The following WAPL variants were observed in gnomAD, a reference collection of about 807,000 sequenced individuals.
The protein encoded by WAPL is wings apart-like protein homolog.
In WAPL, 5 loss-of-function variants were observed where a neutral mutation model predicts 121.0. The ratio of observed to expected loss-of-function variants is 0.04; its 90% CI spans 0.02 to 0.09. The LOEUF (loss-of-function observed/expected upper bound fraction) is 0.09. Ranked by LOEUF, WAPL falls within the 10% of genes least tolerant of loss-of-function variation. The probability of loss-of-function intolerance (pLI) is 1.00; values close to 1 mark genes in which losing one functional copy is unlikely to be tolerated. For synonymous variants in WAPL, 480 were observed against 481.5 expected, an observed-to-expected ratio of 1.00 and a Z score of 0.04; for missense variants, 999 against 1,410.8, an observed-to-expected ratio of 0.71 and a Z score of 4.68.
At chr10:86,449,477 T>C (rs779621419) in intron 15 of WAPL, among the ~76,000 whole-genome samples, 1 of 152,150 alleles carries the variant, frequency 6.6e-6, no homozygotes, top group Non-Finnish European at 1.5e-5. Flanking sequence ...AGAGAAGATA[T>C]AGGATGATAC....
chr10:86,517,850 C>T lies in WAPL; in HGVS notation c.220G>A (p.Gly74Arg). 1 of 1,614,132 alleles carries T rather than the reference C, an allele frequency of 6.2e-7. No homozygotes were observed. ...AGAGACTCATCATCACTATCAAATCCAAAAGGATCTCCAGTACTTTCTTCT... is the reference window on the plus strand; with the variant it reads ...AGAGACTCATCATCACTATCAAATCTAAAAGGATCTCCAGTACTTTCTTCT... The part of the protein sequence containing the change: ...VEEESTGDPF[G>R]FDSDDESLPV... Residue 74 changes from glycine to arginine, a missense_variant, in exon 2 of 19, where the codon GGA (glycine) becomes AGA (arginine). By Grantham distance (125) the Gly-to-Arg change is moderately radical. Transcript: ENST00000298767.
intron 4 of WAPL, among the ~76,000 whole-genome samples, chr10:86,484,879 C>G (rs997887605): frequency 9.2e-5 from 14 of 152,318 alleles, no homozygotes; most frequent in African/African-American, 3.4e-4. Flanking sequence ...GTTCTGTGTG[C>G]ACAATGAAAT....
rs2132221636 is a variant in WAPL, at chr10:86,500,672, T to C, written c.571A>G (p.Thr191Ala). The C allele has an allele frequency of 1.2e-6, 2 of 1,609,134 alleles. No individual in the cohort carries two copies. The highest frequency in any genetic ancestry group is 1.7e-6 in the Non-Finnish European group (2 of 1,178,944). ...HHIHKNADDSTKKPNAETTVA... is the reference protein window; with the variant it reads ...HHIHKNADDSAKKPNAETTVA... ...GTAGTTTCTGCATTGGGTTTCTTAG[T>C]ACTGTCATCAGCATTTTTGTGAATA... The change falls in exon 3 of 19, where the codon ACT becomes GCT. Residue 191 changes from threonine (T) to alanine (A), a missense_variant. Physicochemically the swap from Thr to Ala is moderately conservative, Grantham distance 58 (BLOSUM62 0). This residue lies in a region of WAPL where 531 missense variants were observed against 563.1 expected (regional missense o/e 0.94). Coordinates refer to ENST00000298767, the MANE Select transcript of WAPL (RefSeq NM_015045.5).
chr10:86,442,139 C>T (rs1220216254), intron 17 of WAPL, among the ~76,000 whole-genome samples: 1 of 152,194 alleles, frequency 6.6e-6, no homozygotes, highest in Non-Finnish European at 1.5e-5. Flanking sequence ...CGATTCGATT[C>T]TTGCGTCTCA....
intron 8 of WAPL, 63 bp from the exon 9 acceptor site, chr10:86,467,569 G>T: frequency 8.4e-7 from 1 of 1,188,734 alleles, no homozygotes; most frequent in Non-Finnish European, 1.2e-6. Context: ...GACATCTCAG[G>T]AAATAAGACT....
intron 4 of WAPL, among the ~76,000 whole-genome samples, chr10:86,486,664 T>C (rs1328695151): frequency 6.6e-6 from 1 of 152,116 alleles, no homozygotes; most frequent in Non-Finnish European, 1.5e-5. Flanking sequence ...ATGATGAAAG[T>C]AAAGGTATAG....
Position 86,494,709 on chromosome 10 carries a change from C to T in WAPL, c.1644+2492G>A, listed in dbSNP as rs113567033. Among the ~76,000 whole-genome samples the T allele has an allele frequency of 1.6e-3, 242 of 152,254 alleles. 1 individual carries two copies. The highest frequency in any genetic ancestry group is 5.5e-3 in the African/African-American group (230 of 41,546). ...GTGACCAGTGTATGATGTTACAAAG[C>T]ATGTATGGGTAAATGCCCATTCAAA... On this transcript the variant is annotated intron_variant, in intron 4 of 18. Coordinates refer to ENST00000298767, the MANE Select transcript of WAPL (RefSeq NM_015045.5).
chr10:86,502,437 C>T (rs532006586), intron 2 of WAPL, among the ~76,000 whole-genome samples: 1 of 152,004 alleles, frequency 6.6e-6, no homozygotes, highest in Non-Finnish European at 1.5e-5. Flanking sequence ...TTTTTGGAGT[C>T]CTTATCTGTT....
intron 2 of WAPL, among the ~76,000 whole-genome samples, chr10:86,502,931 G>C (rs529570593): frequency 6.6e-6 from 1 of 151,768 alleles, no homozygotes; most frequent in Non-Finnish European, 1.5e-5. Context: ...AGGCCAAGGC[G>C]GGCGGATCAT....
rs765740042 is a variant in WAPL, at chr10:86,453,215, C to T, written c.2949+5G>A. The T allele has an allele frequency of 6.2e-7, 1 of 1,613,846 alleles. No homozygotes were observed. Among genetic ancestry groups the T allele is most frequent in the South Asian group, 1.1e-5 (1 of 91,054 alleles). On this transcript the variant is annotated splice_donor_5th_base_variant and intron_variant, in intron 14 of 18. Coordinates refer to ENST00000298767, the MANE Select transcript of WAPL (RefSeq NM_015045.5). ...CTCATTTCTGAAAAAGTCATTTCAA[C>T]TTACCAGCACTCGAATATCAAATCT...
chr10:86,509,957 G>C (rs767814126), intron 2 of WAPL, among the ~76,000 whole-genome samples: 1 of 151,270 alleles, frequency 6.6e-6, no homozygotes, highest in South Asian at 2.1e-4. Context: ...GTAAAGACCG[G>C]GTTTTACCAT....
chr10:86,483,624 A>C (rs1166473479), intron 4 of WAPL, among the ~76,000 whole-genome samples: 1 of 152,058 alleles, frequency 6.6e-6, no homozygotes, highest in Non-Finnish European at 1.5e-5. Context: ...TTCCAGAAGA[A>C]GGCTGGCATC....
intron 18 of WAPL, 99 bp downstream of exon 18, chr10:86,437,821 C>G: frequency 9.6e-7 from 1 of 1,036,510 alleles, no homozygotes; most frequent in South Asian, 1.6e-5. Context: ...AAAAGAAAAT[C>G]CCTTTTTGCT....
At chr10:86,491,938 C>T (rs562677715) in intron 4 of WAPL, among the ~76,000 whole-genome samples, 27 of 152,296 alleles carry the variant, frequency 1.8e-4, no homozygotes, top group African/African-American at 6.3e-4. Flanking sequence ...AACTACAGGT[C>T]TCCTACTGTA....
intron 9 of WAPL, among the ~76,000 whole-genome samples, chr10:86,465,300 G>A (rs1413389048): frequency 6.6e-6 from 1 of 152,088 alleles, no homozygotes; most frequent in African/African-American, 2.4e-5. Context: ...CTAGGTTCCA[G>A]GTTCAGGCGA....
intron 4 of WAPL, among the ~76,000 whole-genome samples, chr10:86,483,429 A>T (rs1188296020): frequency 1.3e-5 from 2 of 152,142 alleles, no homozygotes; most frequent in Admixed American, 1.3e-4. Flanking sequence ...CTCAAAAAAA[A>T]AAAAGAGTAT....
At chr10:86,515,457 G>A (rs556378785) in intron 2 of WAPL, among the ~76,000 whole-genome samples, 188 of 152,092 alleles carry the variant, frequency 1.2e-3, no homozygotes, top group Admixed American at 2.6e-3. Context: ...TATATAAAAT[G>A]AGAGCTGAGT....
At chr10:86,459,449 T>C (rs1448054056) in intron 11 of WAPL, among the ~76,000 whole-genome samples, 1 of 152,228 alleles carries the variant, frequency 6.6e-6, no homozygotes, top group East Asian at 1.9e-4. Context: ...CAAAGCACTC[T>C]AGAAGACACA....
rs1313993044 is a variant in WAPL at position 86,456,675 on chromosome 10, C to A, written c.2657+2314G>T. On this transcript the variant is annotated intron_variant, in intron 12 of 18. Coordinates refer to ENST00000298767, the MANE Select transcript of WAPL (RefSeq NM_015045.5). ...GTAAAAGTTCTTAATATTTTACAAC[C>A]CTTTGGTCAGGAAGGTGTTCCTCAT... Among the ~76,000 whole-genome samples, 6 of 152,158 alleles carry A rather than the reference C, an allele frequency of 3.9e-5. No homozygotes were observed. In the East Asian group the frequency reaches 7.7e-4, roughly 20 times the overall value.
Sources: gnomAD v4.1 joint callset for allele counts (sites outside exome capture counted in the v4.1 genomes callset) on GRCh38, gnomAD v4.1.1 for gene constraint, gnomAD v4.1.1 regional missense constraint, MANE v1.5 for transcripts, NCBI Gene and HGNC (gene_info 2026-07-23, HGNC 2026-07-21) for gene names.